Variants in CCDC146 observed in about 807,000 individuals in gnomAD.
CCDC146 encodes the protein coiled-coil domain containing 146.
CCDC146 carries 92 observed loss-of-function variants against 119.3 expected under a neutral mutation model. That is an observed-to-expected ratio of 0.77 (90% CI 0.65 to 0.92). The LOEUF (loss-of-function observed/expected upper bound fraction) is 0.92. Ranked by LOEUF, CCDC146 falls within the 40% of genes least tolerant of loss-of-function variation. CCDC146 has a pLI of 0.00. For synonymous variants in CCDC146, 372 were observed against 371.8 expected, an observed-to-expected ratio of 1.00 and a Z score of -0.01; for missense variants, 1,000 against 1,103.0, an observed-to-expected ratio of 0.91 and a Z score of 1.32.
At chr7:77,273,970 AAAG>A (rs1191405335) in intron 10 of CCDC146, among the ~76,000 whole-genome samples, 181 bp downstream of exon 10, 1 of 152,254 alleles carries the variant, frequency 6.6e-6, no homozygotes, top group East Asian at 1.9e-4. Context: ...ATTTGAGAAA[AAAG>A]AATATGTTTG....
chr7:77,175,569 A>G (rs1367074994), intron 2 of CCDC146, among the ~76,000 whole-genome samples: 1 of 151,332 alleles, frequency 6.6e-6, no homozygotes, highest in Non-Finnish European at 1.5e-5. Flanking sequence ...ATATAAAACT[A>G]TGAGTGGTTG....
intron 1 of CCDC146, among the ~76,000 whole-genome samples, chr7:77,165,448 C>T (rs1446200655): frequency 6.6e-6 from 1 of 151,960 alleles, no homozygotes; most frequent in Non-Finnish European, 1.5e-5. Context: ...AGGCCTGAAT[C>T]GATGGCTGTG....
chr7:77,269,942 C>G (rs1365668249), intron 9 of CCDC146, among the ~76,000 whole-genome samples: 1 of 152,152 alleles, frequency 6.6e-6, no homozygotes, highest in Non-Finnish European at 1.5e-5. Flanking sequence ...TTCAGACTTG[C>G]ATGCAATCCA....
At position 77,215,766 on chromosome 7, in the gene CCDC146, C is replaced by G. The variant is rs552648146; in HGVS notation, c.157-21181C>G. Among the ~76,000 whole-genome samples, 147 of 152,138 alleles carry G rather than the reference C, an allele frequency of 9.7e-4. 1 individual carries two copies. The highest frequency in any genetic ancestry group is 1.8e-3 in the Non-Finnish European group (121 of 67,936). On this transcript the variant is annotated intron_variant, in intron 2 of 18. Transcript: ENST00000285871. ...ACATAACTGTTTCAGAATAACACTA[C>G]TACCAACAATGTGATTATAAAAAAA...
At chr7:77,291,294 G>T (rs928138351) in intron 17 of CCDC146, among the ~76,000 whole-genome samples, 7 of 152,092 alleles carry the variant, frequency 4.6e-5, no homozygotes, top group Admixed American at 4.6e-4. Flanking sequence ...TTATAAGACA[G>T]CTTACAGGAA....
rs975757458 is a variant in CCDC146, at chr7:77,172,714, G to A, written c.156+4890G>A. On this transcript the variant is annotated intron_variant, in intron 2 of 18. Coordinates refer to ENST00000285871, the MANE Select transcript of CCDC146 (RefSeq NM_020879.3). ...CTCTCCCATATTTAGAAGGAATAAC[G>A]TCAGATGTCTAAGGAAACTGGCATA... Among the ~76,000 whole-genome samples the A allele has an allele frequency of 2.0e-5, 3 of 152,270 alleles. No individual in the cohort carries two copies. In the South Asian group the frequency reaches 6.2e-4, roughly 32 times the overall value.
rs1229071741 is a variant in CCDC146, at chr7:77,286,882, G to C, written c.2233G>C (p.Gly745Arg). 6.2e-7 allele frequency: 1 copy of C among 1,614,078 alleles called. No individual in the cohort carries two copies. The highest frequency in any genetic ancestry group is 1.1e-5 in the South Asian group (1 of 91,074). The part of the protein sequence containing the change: ...DGENRARFLP[G>R]KDLTEKEMIQ... Reference sequence around the variant, plus strand: ...TGAGAATAGAGCTCGCTTCCTTCCAGGGAAAGATCTGACCGAAAAAGAAAT... The same window carrying C: ...TGAGAATAGAGCTCGCTTCCTTCCACGGAAAGATCTGACCGAAAAAGAAAT... The change falls in exon 16 of 19, where the codon GGG (glycine) becomes CGG (arginine). Residue 745 changes from glycine to arginine, a missense_variant. This residue lies in a region of CCDC146 where 985 missense variants were observed against 1,045.3 expected (regional missense o/e 0.94). Transcript: ENST00000285871.
intron 2 of CCDC146, among the ~76,000 whole-genome samples, chr7:77,205,372 T>C (rs992120943): frequency 1.3e-5 from 2 of 152,234 alleles, no homozygotes; most frequent in South Asian, 4.1e-4. Flanking sequence ...TATTCATTAA[T>C]GCAGAACTCA....
At position 77,294,813 on chromosome 7, in the gene CCDC146, G is replaced by A. The variant is rs556243921; in HGVS notation, c.2815G>A (p.Gly939Arg). Residue 939 changes from glycine to arginine, a missense_variant, in exon 19 of 19, where the codon GGA (glycine) becomes AGA (arginine). By Grantham distance (125) the Gly-to-Arg change is moderately radical. This residue lies in a region of CCDC146 where 985 missense variants were observed against 1,045.3 expected (regional missense o/e 0.94). Coordinates refer to ENST00000285871, the MANE Select transcript of CCDC146 (RefSeq NM_020879.3). ...ALAPFKPSEP[G>R]ANMRHIRKPV... Reference sequence around the variant, plus strand: ...GGCTCCTTTTAAACCCAGTGAACCTGGAGCCAATATGAGGCACATAAGGAA... The same window carrying A: ...GGCTCCTTTTAAACCCAGTGAACCTAGAGCCAATATGAGGCACATAAGGAA... The A allele has an allele frequency of 1.4e-5, 22 of 1,614,094 alleles. No homozygotes were observed. In the South Asian group the frequency reaches 2.3e-4, roughly 17 times the overall value.
intron 17 of CCDC146, among the ~76,000 whole-genome samples, chr7:77,290,419 C>T (rs1442311680): frequency 6.6e-6 from 1 of 151,916 alleles, no homozygotes; most frequent in Admixed American, 6.6e-5. Flanking sequence ...AAAAGTGTGC[C>T]GTGGTTGAGT....
At chr7:77,206,645 A>G (rs975177949) in intron 2 of CCDC146, among the ~76,000 whole-genome samples, 4 of 104,572 alleles carry the variant, frequency 3.8e-5, no homozygotes, top group African/African-American at 5.5e-5. Context: ...AAAAAGAAAC[A>G]TACATATATA....
chr7:77,184,078 G>T (rs1791628705), intron 2 of CCDC146, among the ~76,000 whole-genome samples: 1 of 152,236 alleles, frequency 6.6e-6, no homozygotes, highest in Non-Finnish European at 1.5e-5. Flanking sequence ...TGCCAGCTGA[G>T]CCCCCAAAGG....
chr7:77,294,463 G>GGTGTGTGTGTGTGTGT lies in CCDC146; in HGVS notation c.2665-172_2665-157dup, dbSNP rs61323999. Reference sequence around the variant, plus strand: ...ATACAGCCCATGCCAATGAGAGGTAGGTGTGTGTGTGTGTGTGTGTGTGTG... The same window carrying GGTGTGTGTGTGTGTGT: ...ATACAGCCCATGCCAATGAGAGGTAGGTGTGTGTGTGTGTGTGTGTGTGTGTGTGTGTGTGTGTGTG... On this transcript the variant is annotated intron_variant, in intron 18 of 18. Coordinates refer to ENST00000285871, the MANE Select transcript of CCDC146 (RefSeq NM_020879.3). Among the ~76,000 whole-genome samples, 92 of 134,306 alleles carry GGTGTGTGTGTGTGTGT rather than the reference G, an allele frequency of 6.9e-4. 1 individual carries two copies. Among genetic ancestry groups the GGTGTGTGTGTGTGTGT allele is most frequent in the African/African-American group, 1.1e-3 (41 of 36,004 alleles). 88.1% of individuals were successfully genotyped at this position (134,306 alleles called of 152,430 possible). A position where few individuals can be genotyped will look rare whatever the true frequency, so the allele number is the denominator to read the frequency against.
chr7:77,225,665 G>A (rs780706021), intron 2 of CCDC146, among the ~76,000 whole-genome samples: 8 of 151,542 alleles, frequency 5.3e-5, no homozygotes, highest in East Asian at 2.0e-4. Context: ...AAGTAGGGCC[G>A]TGCGTGGTGG....
chr7:77,183,108 A>G (rs1562825298), intron 2 of CCDC146, among the ~76,000 whole-genome samples: 1 of 152,000 alleles, frequency 6.6e-6, no homozygotes, highest in Non-Finnish European at 1.5e-5. Flanking sequence ...CAAGCGGCAA[A>G]ACTTCCCCAA....
At chr7:77,225,314 CA>C (rs1328514957) in intron 2 of CCDC146, among the ~76,000 whole-genome samples, 1 of 150,764 alleles carries the variant, frequency 6.6e-6, no homozygotes, top group African/African-American at 2.4e-5. Flanking sequence ...TTGGGGAGAC[CA>C]AAGCAGAAGG....
intron 9 of CCDC146, among the ~76,000 whole-genome samples, chr7:77,263,457 T>C (rs1352823636): frequency 6.6e-6 from 1 of 152,212 alleles, no homozygotes; most frequent in Non-Finnish European, 1.5e-5. Flanking sequence ...GCTTTGGTAG[T>C]TCGAAGCCAT....
intron 1 of CCDC146, among the ~76,000 whole-genome samples, chr7:77,154,570 C>T (rs1362790355): frequency 6.6e-6 from 1 of 151,320 alleles, no homozygotes; most frequent in African/African-American, 2.4e-5. Flanking sequence ...GCTTTTTGTC[C>T]TTGTGATAGT....
At chr7:77,245,575 C>G (rs544171521) in intron 4 of CCDC146, among the ~76,000 whole-genome samples, 1 of 152,222 alleles carries the variant, frequency 6.6e-6, no homozygotes. Context: ...AGGCCGCACA[C>G]GTGCAGGGCT....
Sources: allele counts gnomAD v4.1 joint callset (sites outside exome capture counted in the v4.1 genomes callset), GRCh38; gene constraint gnomAD v4.1.1; regional missense constraint gnomAD v4.1.1; transcripts MANE v1.5; gene names NCBI Gene and HGNC (gene_info 2026-07-23, HGNC 2026-07-21).